ATL2: variants seen among roughly 807,000 people sequenced by gnomAD.
The protein encoded by ATL2 is atlastin GTPase 2.
Under a neutral mutation model 73.9 loss-of-function variants are expected in ATL2, and 31 were observed. The ratio of observed to expected loss-of-function variants is 0.42; its 90% confidence interval spans 0.32 to 0.57. The LOEUF (loss-of-function observed/expected upper bound fraction) is 0.57, where lower values mean the gene tolerates loss of function less well. Among genes scored for constraint, ATL2 ranks in the 20% least tolerant of loss-of-function variants. ATL2 has a pLI of 0.14. For missense variants in ATL2, 738 were observed against 702.6 expected (o/e 1.05, Z -0.57); for synonymous variants, 291 against 237.5 (o/e 1.23, Z -2.07).
At chr2:38,356,492 C>T (rs531713172) in intron 1 of ATL2, among the ~76,000 whole-genome samples, 1 of 152,230 alleles carries the variant, frequency 6.6e-6, no homozygotes, top group Admixed American at 6.5e-5. Context: ...CACGCCTGGC[C>T]CATTATTACT....
At chr2:38,328,688 C>T (rs4589732) in intron 2 of ATL2, among the ~76,000 whole-genome samples, 1 of 151,794 alleles carries the variant, frequency 6.6e-6, no homozygotes, top group Non-Finnish European at 1.5e-5. Flanking sequence ...ACCATGATTA[C>T]AGAATTTATA....
chr2:38,370,770 C>T (rs545988544), intron 1 of ATL2, among the ~76,000 whole-genome samples: 12 of 151,412 alleles, frequency 7.9e-5, no homozygotes, highest in South Asian at 6.3e-4. Flanking sequence ...GATCTCAAAA[C>T]GAAACAAAAC....
chr2:38,338,296 G>T (rs1311818316), intron 2 of ATL2, among the ~76,000 whole-genome samples: 1 of 151,466 alleles, frequency 6.6e-6, no homozygotes, highest in African/African-American at 2.4e-5. Context: ...CAGACAACGG[G>T]GAGTACTAGA....
chr2:38,364,090 T>C (rs562467871), intron 1 of ATL2, among the ~76,000 whole-genome samples: 2 of 152,144 alleles, frequency 1.3e-5, no homozygotes, highest in African/African-American at 4.8e-5. Flanking sequence ...GGTGAAACCC[T>C]GTCTCTACTA....
chr2:38,313,684 A>ACATTTTGGGTCAGCAC (rs1558398663), intron 6 of ATL2, among the ~76,000 whole-genome samples: 1 of 150,438 alleles, frequency 6.6e-6, no homozygotes, highest in Non-Finnish European at 1.5e-5. Context: ...GATTTCTCAA[A>ACATTTTGGGTCAGCAC]TGCTGACATT....
Position 38,295,867 on chromosome 2 carries a change from C to G in ATL2, c.*127G>C. ...AATCTTCACACTCTGTGGCAGCCATCTGTGAAGCCAGTTACACTAAACTAC... is the reference window on the plus strand; with the variant it reads ...AATCTTCACACTCTGTGGCAGCCATGTGTGAAGCCAGTTACACTAAACTAC... On this transcript the variant is annotated 3_prime_UTR_variant, in exon 13 of 13. Transcript: ENST00000378954. The G allele has an allele frequency of 1.3e-6, 1 of 750,004 alleles. No individual in the cohort carries two copies. The highest frequency in any genetic ancestry group is 3.1e-5 in the Admixed American group (1 of 32,052). The allele number at this position is 750,004 out of a possible 1,614,324, so 46.5% of individuals were successfully genotyped here. A position where few individuals can be genotyped will look rare whatever the true frequency, so the allele number is the denominator to read the frequency against.
intron 1 of ATL2, among the ~76,000 whole-genome samples, chr2:38,364,361 A>T (rs1000145576): frequency 3.3e-4 from 50 of 152,334 alleles, no homozygotes; most frequent in African/African-American, 1.2e-3. Context: ...CAGAGGAGAG[A>T]GAGTCAAAGC....
chr2:38,315,963 G>C (rs1668006267), intron 4 of ATL2, among the ~76,000 whole-genome samples: 2 of 152,174 alleles, frequency 1.3e-5, no homozygotes, highest in South Asian at 4.1e-4. Flanking sequence ...GAGGAGACTA[G>C]AGTTGATAAA....
Position 38,318,522 on chromosome 2 carries a change from T to A in ATL2, c.603+13A>T. ...TACGTGAACTGATCGCACCACTTAA[T>A]CTTGTGTCTCACCTGGACAGAGCTA... is the stretch of plus-strand genomic sequence containing the variant. On this transcript the variant is annotated intron_variant, in intron 4 of 12. Transcript: ENST00000378954. The A allele has an allele frequency of 6.4e-7, 1 of 1,556,984 alleles. No homozygotes were observed. The highest frequency in any genetic ancestry group is 8.7e-7 in the Non-Finnish European group (1 of 1,151,890).
At chr2:38,332,928 G>C (rs776364393) in intron 2 of ATL2, among the ~76,000 whole-genome samples, 1 of 152,206 alleles carries the variant, frequency 6.6e-6, no homozygotes, top group East Asian at 1.9e-4. Flanking sequence ...AATGGCACAT[G>C]TCTTGTAAGT....
intron 1 of ATL2, among the ~76,000 whole-genome samples, chr2:38,370,388 A>G (rs1389641577): frequency 7.1e-6 from 1 of 141,400 alleles, no homozygotes; most frequent in Non-Finnish European, 1.5e-5. Flanking sequence ...GGCGGAGGTT[A>G]CAGTGAGCCA....
intron 1 of ATL2, among the ~76,000 whole-genome samples, chr2:38,369,637 A>T (rs72906132): frequency 0.12 from 18,912 of 151,558 alleles, 3,477 homozygotes; most frequent in African/African-American, 0.41. Flanking sequence ...TGTAAGTCCC[A>T]GCTACTCAGG....
intron 2 of ATL2, among the ~76,000 whole-genome samples, chr2:38,341,070 A>G (rs970637748): frequency 6.6e-6 from 1 of 152,182 alleles, no homozygotes; most frequent in African/African-American, 2.4e-5. Flanking sequence ...ATGGCACCTG[A>G]GGTGAAACTT....
intron 2 of ATL2, among the ~76,000 whole-genome samples, chr2:38,331,612 C>CAAAAA (rs35381890): frequency 2.2e-5 from 2 of 92,144 alleles, no homozygotes; most frequent in African/African-American, 3.9e-5. Context: ...GACTCCATCT[C>CAAAAA]AAAAAAAAAA....
At chr2:38,305,592 C>T (rs1313220251) in intron 9 of ATL2, among the ~76,000 whole-genome samples, 1 of 152,044 alleles carries the variant, frequency 6.6e-6, no homozygotes, top group Non-Finnish European at 1.5e-5. Flanking sequence ...AGTATCTTCT[C>T]TGACCACAAT....
intron 9 of ATL2, among the ~76,000 whole-genome samples, chr2:38,306,329 C>A (rs1667445064): frequency 6.6e-6 from 1 of 152,166 alleles, no homozygotes; most frequent in Non-Finnish European, 1.5e-5. Flanking sequence ...AGAACTAATA[C>A]CAATCCTACT....
chr2:38,353,173 G>C (rs1670456996), intron 1 of ATL2, among the ~76,000 whole-genome samples: 1 of 152,172 alleles, frequency 6.6e-6, no homozygotes, highest in African/African-American at 2.4e-5. Flanking sequence ...CTTTTAACCA[G>C]ATACTGTAAA....
chr2:38,330,533 G>C (rs1316488946), intron 2 of ATL2, among the ~76,000 whole-genome samples: 1 of 152,102 alleles, frequency 6.6e-6, no homozygotes, highest in African/African-American at 2.4e-5. Context: ...AAAAATTATT[G>C]GAACTAATGA....
At chr2:38,338,691 A>G (rs545443345) in intron 2 of ATL2, among the ~76,000 whole-genome samples, 1 of 152,270 alleles carries the variant, frequency 6.6e-6, no homozygotes, top group Admixed American at 6.5e-5. Context: ...TGACTAAAAA[A>G]TATCAAGTCT....
Sources: gnomAD v4.1 joint callset for allele counts (sites outside exome capture counted in the v4.1 genomes callset) on GRCh38, gnomAD v4.1.1 for gene constraint, MANE v1.5 for transcripts, NCBI Gene and HGNC (gene_info 2026-07-23, HGNC 2026-07-21) for gene names.